Variants in ZNF577 observed in about 807,000 individuals in gnomAD.
The protein encoded by ZNF577 is zinc finger protein 577.
A neutral mutation model predicts 13.9 loss-of-function variants in ZNF577; 14 were observed. That is an observed-to-expected ratio of 1.00 (90% CI 0.66 to 1.57). The LOEUF is 1.57. Among genes scored for constraint, ZNF577 ranks in the 40% most tolerant of loss-of-function variants. The pLI, the probability that ZNF577 is intolerant of heterozygous loss-of-function variation, is 0.00. For missense variants in ZNF577, 555 were observed against 579.2 expected (o/e 0.96, Z 0.43); for synonymous variants, 203 against 202.9 (o/e 1.00, Z 0.00).
At chr19:51,861,113 CTTTTTTTTTT>C (rs368241227) in intron 5 of ZNF577, 6 of 185,258 alleles carry the variant, frequency 3.2e-5, no homozygotes, top group African/African-American at 4.7e-5. Context: ...TTGACTCTCT[CTTTTTTTTTT>C]TTTTTTTTTT....
At position 51,871,037 on chromosome 19, in the gene ZNF577, AAGTT is replaced by A. The variant is rs1256439611; in HGVS notation, c.*1491_*1494del. On this transcript the variant is annotated 3_prime_UTR_variant, in exon 6 of 6. Transcript: ENST00000638348. ...GGGACTGTTTGGGTTGGCTATGAAA[AAGTT>A]AGTCAATATCCAGGTGCATTATGTC... Among the ~76,000 whole-genome samples the A allele has an allele frequency of 1.3e-5, 2 of 152,156 alleles. No individual in the cohort carries two copies. The highest frequency in any genetic ancestry group is 6.5e-5 in the Admixed American group (1 of 15,276).
intron 1 of ZNF577, among the ~76,000 whole-genome samples, chr19:51,881,137 G>C (rs1307465258): frequency 1.3e-5 from 2 of 152,148 alleles, no homozygotes; most frequent in African/African-American, 4.8e-5. Context: ...CTATGGTCTT[G>C]TCCACTGCCA....
chr19:51,823,654 G>A, intron 9 of ZNF577: 2 of 1,041,442 alleles, frequency 1.9e-6, no homozygotes, highest in South Asian at 1.7e-5. Flanking sequence ...GCTGGTAGGA[G>A]GAGGAGCTAC....
intron 10 of ZNF577, among the ~76,000 whole-genome samples, chr19:51,810,838 T>C (rs546340322): frequency 6.6e-6 from 1 of 152,304 alleles, no homozygotes; most frequent in Non-Finnish European, 1.5e-5. Flanking sequence ...TGTTCATGAA[T>C]AACCTGCTGT....
intron 9 of ZNF577, among the ~76,000 whole-genome samples, chr19:51,831,021 C>T (rs543739369): frequency 2.0e-5 from 3 of 152,200 alleles, no homozygotes; most frequent in African/African-American, 7.2e-5. Flanking sequence ...AGTTGCTTGA[C>T]AAATCTTCTA....
chr19:51,811,761 T>C (rs2084098316), intron 9 of ZNF577: 1 of 151,066 alleles, frequency 6.6e-6, no homozygotes, highest in Non-Finnish European at 1.5e-5. Flanking sequence ...ACCTTGCCTC[T>C]AGTGGACAAG....
intron 9 of ZNF577, among the ~76,000 whole-genome samples, chr19:51,833,074 G>C (rs2084268534): frequency 6.6e-6 from 1 of 152,130 alleles, no homozygotes; most frequent in South Asian, 2.1e-4. Context: ...GGATTTGCTT[G>C]AAGAAGAACT....
chr19:51,844,806 T>C lies in ZNF577; in HGVS notation c.*106A>G, dbSNP rs568416192. On this transcript the variant is annotated 3_prime_UTR_variant and NMD_transcript_variant, in exon 6 of 11. Coordinates refer to the ZNF577 transcript ENST00000638827. The stretch of plus-strand genomic sequence containing the variant: ...GCTTTCAGAAGATGGCCAGTACTTT[T>C]AGTATCTGTTTGTCCTGCAATTCTG... The C allele has an allele frequency of 3.3e-5, 5 of 152,332 alleles. No individual in the cohort carries two copies. The South Asian group carries it at 1.0e-3, about 32-fold the overall frequency. 9.4% of individuals were successfully genotyped at this position (152,332 alleles called of 1,614,324 possible).
At chr19:51,879,698 G>A (rs184266030) in intron 3 of ZNF577, among the ~76,000 whole-genome samples, 2 of 152,184 alleles carry the variant, frequency 1.3e-5, no homozygotes, top group African/African-American at 4.8e-5. Context: ...ACTAGATAGA[G>A]ACCCAAACTA....
At chr19:51,864,815 G>A (rs550082189), downstream of ZNF577, among the ~76,000 whole-genome samples, 29 of 152,292 alleles carry the variant, frequency 1.9e-4, no homozygotes, top group African/African-American at 6.7e-4. Flanking sequence ...AGGTCACACT[G>A]GGAACAAAGA....
At chr19:51,876,619 A>G (rs1015866413) in intron 5 of ZNF577, among the ~76,000 whole-genome samples, 1 of 152,056 alleles carries the variant, frequency 6.6e-6, no homozygotes, top group African/African-American at 2.4e-5. Context: ...CTTTTAAGCG[A>G]CAGAAGTGCT....
chr19:51,860,314 G>GA (rs1301438836), intron 5 of ZNF577: 3 of 152,190 alleles, frequency 2.0e-5, no homozygotes, highest in African/African-American at 7.2e-5. Context: ...AAAAGCTTGT[G>GA]ATGTTTAATG....
chr19:51,824,331 A>G lies in ZNF577; in HGVS notation c.*600-12657T>C, dbSNP rs763510705. ...TGCTGTAGAGAGGTTGAACGTGTTC[A>G]TTACCATGGCCAAGGTCTTTCTGAT... On this transcript the variant is annotated intron_variant and NMD_transcript_variant, in intron 9 of 10. Coordinates refer to the ZNF577 transcript ENST00000638827. This position sits in a 1 kb window ranked among gnomAD's most constrained non-coding sequence, Gnocchi z 4.7. 3 of 1,614,050 alleles carry G rather than the reference A, an allele frequency of 1.9e-6. No individual in the cohort carries two copies. The highest frequency in any genetic ancestry group is 2.7e-5 in the African/African-American group (2 of 74,922).
intron 5 of ZNF577, among the ~76,000 whole-genome samples, chr19:51,849,412 A>G (rs1187790196): frequency 6.6e-6 from 1 of 152,180 alleles, no homozygotes; most frequent in Non-Finnish European, 1.5e-5. Context: ...GGCTTAATGG[A>G]AGGCGTTTCG....
chr19:51,815,889 AAAGAAG>A lies in ZNF577; in HGVS notation c.*600-4221_*600-4216del, dbSNP rs374139789. Among the ~76,000 whole-genome samples the A allele has an allele frequency of 3.5e-3, 510 of 144,356 alleles. 5 individuals carry two copies. Among genetic ancestry groups the A allele is most frequent in the African/African-American group, 0.012 (411 of 34,446 alleles). The allele number at this position is 144,356 out of a possible 152,430, so 94.7% of individuals were successfully genotyped here. On this transcript the variant is annotated intron_variant and NMD_transcript_variant, in intron 9 of 10. Coordinates refer to the ZNF577 transcript ENST00000638827. ...AAAAAAAAGAAAAAAGAAAAAAGAAAAAGAAGAAGAAAAAGAAAAGAAAAGAAATTA... is the reference window on the plus strand; with the variant it reads ...AAAAAAAAGAAAAAAGAAAAAAGAAAAAGAAAAAGAAAAGAAAAGAAATTA...
rs780722136 is a variant in ZNF577 at position 51,833,200 on chromosome 19, C to T, written c.*599+6693G>A. 4.5e-5 allele frequency among the ~76,000 whole-genome samples: 5 copies of T among 110,990 alleles called. No individual in the cohort carries two copies. In the South Asian group the frequency reaches 1.3e-3, roughly 30 times the overall value. The allele number at this position is 110,990 out of a possible 152,430, so 72.8% of individuals were successfully genotyped here. A position where few individuals can be genotyped will look rare whatever the true frequency, so the allele number is the denominator to read the frequency against. Reference sequence around the variant, plus strand: ...TATCTTCTTATTTCAAAGAGTCTACCGGGCTCTACCTGTGTTTCCCCTCCT... The same window carrying T: ...TATCTTCTTATTTCAAAGAGTCTACTGGGCTCTACCTGTGTTTCCCCTCCT... On this transcript the variant is annotated intron_variant and NMD_transcript_variant, in intron 9 of 10. Coordinates refer to the ZNF577 transcript ENST00000638827.
chr19:51,820,746 G>T (rs919424728), intron 9 of ZNF577, among the ~76,000 whole-genome samples: 1 of 152,108 alleles, frequency 6.6e-6, no homozygotes, highest in Non-Finnish European at 1.5e-5. Flanking sequence ...CTCCAACTCT[G>T]GTTCTACCCC....
chr19:51,843,812 T>C (rs538368849), intron 6 of ZNF577, among the ~76,000 whole-genome samples: 2 of 152,248 alleles, frequency 1.3e-5, no homozygotes, highest in African/African-American at 2.4e-5. Context: ...TCTGAAGAGG[T>C]AGACAAGCTG....
At chr19:51,822,198 A>G (rs2084194957) in intron 9 of ZNF577, among the ~76,000 whole-genome samples, 1 of 152,196 alleles carries the variant, frequency 6.6e-6, no homozygotes, top group South Asian at 2.1e-4. Flanking sequence ...TCTTAAAAGC[A>G]AGGAAATAGA....
Sources: gnomAD v4.1 joint callset for allele counts (sites outside exome capture counted in the v4.1 genomes callset) on GRCh38, gnomAD v4.1.1 for gene constraint, Gnocchi (gnomAD v3.1) non-coding constraint, MANE v1.5 for transcripts, NCBI Gene and HGNC (gene_info 2026-07-23, HGNC 2026-07-21) for gene names.